The following SNX10 variants were observed in gnomAD, a reference collection of about 807,000 sequenced individuals.
SNX10 encodes sorting nexin 10.
A neutral mutation model predicts 28.5 loss-of-function variants in SNX10; 25 were observed. The observed-to-expected ratio is 0.88, with a 90% CI of 0.64 to 1.22. The LOEUF is 1.22. Ranked by LOEUF, SNX10 falls within the 50% of genes most tolerant of loss-of-function variation. The pLI, the probability that SNX10 is intolerant of heterozygous loss-of-function variation, is 0.00. For missense variants in SNX10, 223 were observed against 242.6 expected (o/e 0.92, Z 0.54); for synonymous variants, 62 against 81.4 (o/e 0.76, Z 1.28).
intron 1 of SNX10, among the ~76,000 whole-genome samples, chr7:26,314,030 A>G (rs1384171739): frequency 6.6e-6 from 1 of 151,992 alleles, no homozygotes; most frequent in African/African-American, 2.4e-5. Context: ...GCTGATCTCG[A>G]ACTCCTGACC....
Position 26,372,601 on chromosome 7 carries a change from A to C in SNX10, c.*29A>C. 1 of 1,289,910 alleles carries C rather than the reference A, an allele frequency of 7.8e-7. No individual in the cohort carries two copies. Among genetic ancestry groups the C allele is most frequent in the Non-Finnish European group, 1.1e-6 (1 of 885,004 alleles). The allele number at this position is 1,289,910 out of a possible 1,614,324, so 79.9% of individuals were successfully genotyped here. Reference sequence around the variant, plus strand: ...ATAATTCTAATGTTACTATCTTAGGAATAGCAAATTATGTCCAGTCATAGA... The same window carrying C: ...ATAATTCTAATGTTACTATCTTAGGCATAGCAAATTATGTCCAGTCATAGA... On this transcript the variant is annotated 3_prime_UTR_variant, in exon 7 of 7. Transcript: ENST00000338523.
rs766829820 is a variant in SNX10 at position 26,359,907 on chromosome 7, C to T, written c.25-1068C>T. On this transcript the variant is annotated intron_variant, in intron 2 of 6. Transcript: ENST00000338523. Reference sequence around the variant, plus strand: ...TCTTGACCTTGTGATCTGCCCGCCTCGGCCTCCCAAAGTGCTGGGATTACA... The same window carrying T: ...TCTTGACCTTGTGATCTGCCCGCCTTGGCCTCCCAAAGTGCTGGGATTACA... Among the ~76,000 whole-genome samples the T allele has an allele frequency of 4.6e-5, 7 of 152,152 alleles. 1 individual carries two copies. Among genetic ancestry groups the T allele is most frequent in the South Asian group, 4.1e-4 (2 of 4,824 alleles).
chr7:26,357,064 A>G, intron 2 of SNX10: 1 of 1,228,352 alleles, frequency 8.1e-7, no homozygotes, highest in Non-Finnish European at 1.1e-6. Flanking sequence ...TGAGGCATTC[A>G]AGTCTTACAA....
chr7:26,299,209 T>C (rs982688028), intron 1 of SNX10, among the ~76,000 whole-genome samples: 14 of 152,128 alleles, frequency 9.2e-5, no homozygotes, highest in African/African-American at 3.1e-4. Context: ...CAATTTTTTT[T>C]TTTTGAGATG....
At chr7:26,310,210 T>C (rs1291760929) in intron 1 of SNX10, among the ~76,000 whole-genome samples, 3 of 152,174 alleles carry the variant, frequency 2.0e-5, no homozygotes, top group Non-Finnish European at 4.4e-5. Flanking sequence ...TCAACCCATC[T>C]TCCCTTCCCA....
intron 1 of SNX10, among the ~76,000 whole-genome samples, chr7:26,321,245 A>G (rs1190805749): frequency 6.6e-6 from 1 of 151,456 alleles, no homozygotes; most frequent in Non-Finnish European, 1.5e-5. Flanking sequence ...TTTGATGGGG[A>G]TGACAATTTC....
At chr7:26,353,467 G>GT (rs1476592557) in intron 2 of SNX10, among the ~76,000 whole-genome samples, 19 of 142,994 alleles carry the variant, frequency 1.3e-4, no homozygotes, top group African/African-American at 4.9e-4. Context: ...TTTTGGTGGG[G>GT]AGACAGAGTC....
intron 5 of SNX10, among the ~76,000 whole-genome samples, chr7:26,367,362 G>A (rs566832847): frequency 6.6e-6 from 1 of 152,336 alleles, no homozygotes; most frequent in East Asian, 1.9e-4. Context: ...ACTGAATCTG[G>A]ATTGTCATCC....
At chr7:26,366,237 T>A (rs1206376819) in intron 5 of SNX10, among the ~76,000 whole-genome samples, 2 of 152,196 alleles carry the variant, frequency 1.3e-5, no homozygotes, top group African/African-American at 4.8e-5. Flanking sequence ...ATAAATATAC[T>A]GCCTCCTCCC....
intron 1 of SNX10, among the ~76,000 whole-genome samples, chr7:26,328,211 G>C (rs1020210166): frequency 4.6e-5 from 7 of 152,162 alleles, no homozygotes; most frequent in African/African-American, 1.7e-4. Context: ...TTTAGAGAGA[G>C]GACTGTAAGG....
intron 1 of SNX10, among the ~76,000 whole-genome samples, chr7:26,319,430 G>A (rs886552614): frequency 3.3e-5 from 5 of 152,108 alleles, no homozygotes; most frequent in African/African-American, 1.2e-4. Context: ...AAATCTATCT[G>A]GGAGCTGCTT....
chr7:26,313,010 A>G lies in SNX10; in HGVS notation c.-24+20924A>G, dbSNP rs116475287. On this transcript the variant is annotated intron_variant, in intron 1 of 6. Coordinates refer to ENST00000338523, the MANE Select transcript of SNX10 (RefSeq NM_013322.3). ...CCAATATCTTGATGATTCAGATGAT[A>G]TGGCTTGATCCAGCAATTCCACTTA... Among the ~76,000 whole-genome samples the G allele has an allele frequency of 4.0e-3, 603 of 152,352 alleles. 5 individuals carry two copies. The highest frequency in any genetic ancestry group is 0.014 in the African/African-American group (575 of 41,570).
intron 1 of SNX10, among the ~76,000 whole-genome samples, chr7:26,300,025 G>A (rs12537359): frequency 0.92 from 139,258 of 152,024 alleles, 64,663 homozygotes; most frequent in Non-Finnish European, 0.99. Flanking sequence ...AGGCTGGCCA[G>A]CATGGTGAAA....
intron 2 of SNX10, among the ~76,000 whole-genome samples, chr7:26,349,783 C>A (rs1378453403): frequency 6.6e-6 from 1 of 152,132 alleles, no homozygotes; most frequent in African/African-American, 2.4e-5. Context: ...CATTTTTATT[C>A]TTTTTATATT....
At chr7:26,302,264 C>T (rs142274851) in intron 1 of SNX10, among the ~76,000 whole-genome samples, 43 of 152,248 alleles carry the variant, frequency 2.8e-4, no homozygotes, top group African/African-American at 9.9e-4. Flanking sequence ...ATCAGAGAAA[C>T]AGAAAGACCC....
At chr7:26,315,808 G>T (rs1419872068) in intron 1 of SNX10, among the ~76,000 whole-genome samples, 1 of 152,106 alleles carries the variant, frequency 6.6e-6, no homozygotes, top group African/African-American at 2.4e-5. Flanking sequence ...AAATAAAATT[G>T]AAGCTGACAA....
chr7:26,328,422 A>G (rs780111023), intron 1 of SNX10, among the ~76,000 whole-genome samples: 3 of 152,312 alleles, frequency 2.0e-5, no homozygotes, highest in Non-Finnish European at 4.4e-5. Flanking sequence ...AGGTGTGTGC[A>G]GAATGTCCGC....
chr7:26,364,260 T>C lies in SNX10; in HGVS notation c.112-275T>C, dbSNP rs2128023927. ...GATTTATTCTTGAAAGCAGTGCTCA[T>C]AGGTGAGTAGGAGGCTCCTTCAGGA... On this transcript the variant is annotated intron_variant, in intron 3 of 6. Coordinates refer to ENST00000338523, the MANE Select transcript of SNX10 (RefSeq NM_013322.3). The surrounding 1 kb of genome is among the most constrained non-coding windows in gnomAD (Gnocchi z 4.9). The C allele has an allele frequency of 4.3e-6, 4 of 929,272 alleles. No individual in the cohort carries two copies. The highest frequency in any genetic ancestry group is 9.8e-5 in the South Asian group (2 of 20,372). The allele number at this position is 929,272 out of a possible 1,614,324, so 57.6% of individuals were successfully genotyped here. A position where few individuals can be genotyped will look rare whatever the true frequency, so the allele number is the denominator to read the frequency against.
At chr7:26,353,641 G>A (rs1030831280) in intron 2 of SNX10, among the ~76,000 whole-genome samples, 8 of 151,940 alleles carry the variant, frequency 5.3e-5, no homozygotes, top group South Asian at 2.1e-4. Flanking sequence ...TAGCAGAGAC[G>A]GGGTTTCACC....
Sources: gnomAD v4.1 joint callset for allele counts (sites outside exome capture counted in the v4.1 genomes callset) on GRCh38, gnomAD v4.1.1 for gene constraint, Gnocchi (gnomAD v3.1) non-coding constraint, MANE v1.5 for transcripts, NCBI Gene and HGNC (gene_info 2026-07-23, HGNC 2026-07-21) for gene names.